The following DDX10 variants were observed in gnomAD, a reference collection of about 807,000 sequenced individuals.
DDX10 encodes the protein DEAD-box helicase 10.
In DDX10, 74 loss-of-function variants were observed where a neutral mutation model predicts 104.3. The observed-to-expected ratio is 0.71, with a 90% CI of 0.59 to 0.86. The LOEUF (loss-of-function observed/expected upper bound fraction) is 0.86, where lower values mean the gene tolerates loss of function less well. Among genes scored for constraint, DDX10 ranks in the 40% least tolerant of loss-of-function variants. The pLI is 0.00. For synonymous variants in DDX10, 351 were observed against 353.4 expected, an observed-to-expected ratio of 0.99 and a Z score of 0.08; for missense variants, 952 against 1,040.0, an observed-to-expected ratio of 0.92 and a Z score of 1.16.
At chr11:108,716,037 C>T in intron 11 of DDX10, 71 bp downstream of exon 11, 1 of 841,394 alleles carries the variant, frequency 1.2e-6, no homozygotes, top group Non-Finnish European at 2.0e-6. Context: ...TCTGCTACTT[C>T]TAGGTTGCAT....
intron 13 of DDX10, among the ~76,000 whole-genome samples, chr11:108,762,753 A>G (rs1286856492): frequency 1.3e-5 from 2 of 152,188 alleles, no homozygotes; most frequent in African/African-American, 2.4e-5. Flanking sequence ...TAAAAATTAT[A>G]TACATTTTTA....
intron 13 of DDX10, among the ~76,000 whole-genome samples, chr11:108,775,577 C>T (rs2094368836): frequency 6.6e-6 from 1 of 152,178 alleles, no homozygotes; most frequent in East Asian, 1.9e-4. Context: ...CATGTGAGAA[C>T]AGGGAATGCA....
chr11:108,892,304 C>A (rs1045496807), intron 16 of DDX10, among the ~76,000 whole-genome samples: 3 of 152,126 alleles, frequency 2.0e-5, no homozygotes, highest in Non-Finnish European at 4.4e-5. Flanking sequence ...TCCTCTCTTA[C>A]CATGTAATCT....
At chr11:108,867,857 G>A (rs1383810774) in intron 16 of DDX10, among the ~76,000 whole-genome samples, 1 of 152,092 alleles carries the variant, frequency 6.6e-6, no homozygotes, top group African/African-American at 2.4e-5. Flanking sequence ...AATCTCTCTG[G>A]ACCCAGAGGG....
At chr11:108,711,529 C>T (rs776545256) in intron 10 of DDX10, among the ~76,000 whole-genome samples, 70 of 152,240 alleles carry the variant, frequency 4.6e-4, no homozygotes, top group African/African-American at 8.9e-4. Flanking sequence ...CGTGGGGTTT[C>T]GCCATGTTGG....
At chr11:108,853,000 G>A (rs1290314761) in intron 16 of DDX10, among the ~76,000 whole-genome samples, 1 of 152,002 alleles carries the variant, frequency 6.6e-6, no homozygotes, top group African/African-American at 2.4e-5. Context: ...TTCCATGCTG[G>A]CCATAGCACT....
At chr11:108,746,499 A>G (rs2094332042) in intron 13 of DDX10, among the ~76,000 whole-genome samples, 1 of 152,160 alleles carries the variant, frequency 6.6e-6, no homozygotes, top group Non-Finnish European at 1.5e-5. Context: ...TAATGCTGCT[A>G]CAAACATTGA....
intron 16 of DDX10, among the ~76,000 whole-genome samples, chr11:108,858,644 A>G (rs1408029491): frequency 1.3e-5 from 2 of 152,232 alleles, no homozygotes; most frequent in East Asian, 3.9e-4. Context: ...AAAACAATGT[A>G]GTAAACTCTG....
chr11:108,798,144 C>T (rs1452540223), intron 13 of DDX10, among the ~76,000 whole-genome samples: 4 of 152,110 alleles, frequency 2.6e-5, no homozygotes, highest in South Asian at 2.1e-4. Context: ...TGCCCCTAAA[C>T]GTTCAATACT....
intron 16 of DDX10, among the ~76,000 whole-genome samples, chr11:108,879,084 A>C (rs1008720218): frequency 2.0e-5 from 3 of 151,940 alleles, no homozygotes; most frequent in African/African-American, 7.3e-5. Flanking sequence ...GCTCACTGCA[A>C]CCTCCGCCTC....
At chr11:108,854,540 G>A (rs966380550) in intron 16 of DDX10, among the ~76,000 whole-genome samples, 14 of 152,178 alleles carry the variant, frequency 9.2e-5, no homozygotes, top group African/African-American at 3.4e-4. Flanking sequence ...GTCAAAGAAG[G>A]TGGTACTTGC....
At chr11:108,810,587 A>G (rs981912339) in intron 13 of DDX10, among the ~76,000 whole-genome samples, 2 of 152,132 alleles carry the variant, frequency 1.3e-5, no homozygotes, top group East Asian at 1.9e-4. Flanking sequence ...TTGGGTTCAC[A>G]TTTCTAAAAT....
At chr11:108,867,099 C>T (rs879370086) in intron 16 of DDX10, among the ~76,000 whole-genome samples, 1 of 152,062 alleles carries the variant, frequency 6.6e-6, no homozygotes, top group Non-Finnish European at 1.5e-5. Context: ...GTCAAATGTG[C>T]TAGGTTGACA....
chr11:108,765,942 T>A (rs764119425), intron 13 of DDX10, among the ~76,000 whole-genome samples: 10 of 152,226 alleles, frequency 6.6e-5, no homozygotes, highest in Non-Finnish European at 5.9e-5. Context: ...TTTGAAGTAT[T>A]GAATCATAGG....
intron 1 of DDX10, among the ~76,000 whole-genome samples, chr11:108,672,064 A>T (rs1264804944): frequency 6.5e-5 from 3 of 46,044 alleles, no homozygotes; most frequent in African/African-American, 1.3e-4. Context: ...CCATCTCGGA[A>T]AAAAAAAAAA....
intron 13 of DDX10, among the ~76,000 whole-genome samples, chr11:108,734,880 A>G (rs999963272): frequency 1.3e-5 from 2 of 152,212 alleles, no homozygotes; most frequent in Non-Finnish European, 2.9e-5. Flanking sequence ...ATATGGCTCT[A>G]ACAAATATAA....
At chr11:108,816,491 C>A (rs1306277181) in intron 13 of DDX10, among the ~76,000 whole-genome samples, 1 of 152,000 alleles carries the variant, frequency 6.6e-6, no homozygotes, top group Non-Finnish European at 1.5e-5. Flanking sequence ...CAGACTCTAC[C>A]ACATTGTTCA....
intron 13 of DDX10, among the ~76,000 whole-genome samples, chr11:108,820,068 T>G (rs1862306299): frequency 6.6e-6 from 1 of 152,230 alleles, no homozygotes; most frequent in Non-Finnish European, 1.5e-5. Context: ...TTGATAAACC[T>G]GAGTTTAGAG....
At chr11:108,696,946 T>C (rs2094260723) in intron 9 of DDX10, among the ~76,000 whole-genome samples, 1 of 152,166 alleles carries the variant, frequency 6.6e-6, no homozygotes. Context: ...TCTTGGTTCC[T>C]AGAGAAGTTG....
Sources: gnomAD v4.1 joint callset for allele counts (sites outside exome capture counted in the v4.1 genomes callset) on GRCh38, gnomAD v4.1.1 for gene constraint, MANE v1.5 for transcripts, NCBI Gene and HGNC (gene_info 2026-07-23, HGNC 2026-07-21) for gene names.